Variants in CDH7 observed in about 807,000 individuals in gnomAD.
CDH7 encodes cadherin 7, also known as cadherin-7.
A neutral mutation model predicts 71.8 loss-of-function variants in CDH7; 25 were observed. The observed-to-expected ratio is 0.35, with a 90% confidence interval of 0.25 to 0.49. The LOEUF is 0.49. Ranked by LOEUF, CDH7 falls within the 20% of genes least tolerant of loss-of-function variation. The probability of loss-of-function intolerance (pLI) is 0.99; values close to 1 mark genes in which losing one functional copy is unlikely to be tolerated. For missense variants in CDH7, 862 were observed against 974.6 expected, an observed-to-expected ratio of 0.88 and a Z score of 1.54; for synonymous variants, 381 against 363.8, an observed-to-expected ratio of 1.05 and a Z score of -0.54.
Position 65,843,894 on chromosome 18 carries a change from T to C in CDH7, c.1064T>C (p.Leu355Ser), listed in dbSNP as rs746017455. 13 of 1,597,390 alleles carry C rather than the reference T, an allele frequency of 8.1e-6. No individual in the cohort carries two copies. Among genetic ancestry groups the C allele is most frequent in the Middle Eastern group, 1.7e-4 (1 of 5,984 alleles). ...GATGCCGACCCTCGCTTTCTGAGCT[T>C]GGGTCCGTTCAGTGACACGACAACT... The part of the protein sequence containing the change: ...NKDADPRFLS[L>S]GPFSDTTTVK... The change falls in exon 7 of 12, where the codon TTG (leucine) becomes TCG (serine). Residue 355 changes from leucine to serine, a missense_variant. Transcript: ENST00000397968.
chr18:65,882,041 ACG>A lies in CDH7; in HGVS notation c.*1148_*1149del, dbSNP rs1491121064. ...ATCATGAGTTCTACATGCTCCAAAGACGATTTCAAGAACACAACCTTTCTTGC... is the reference window on the plus strand; with the variant it reads ...ATCATGAGTTCTACATGCTCCAAAGAATTTCAAGAACACAACCTTTCTTGC... On this transcript the variant is annotated 3_prime_UTR_variant, in exon 12 of 12. Transcript: ENST00000397968. 1 of 62,678 alleles carries A rather than the reference ACG, an allele frequency of 1.6e-5. No individual in the cohort carries two copies. The highest frequency in any genetic ancestry group is 3.4e-5 in the Non-Finnish European group (1 of 29,122). The allele number at this position is 62,678 out of a possible 1,614,324, so 3.9% of individuals were successfully genotyped here.
At chr18:65,858,058 A>G in intron 8 of CDH7, 106 bp downstream of exon 8, 3 of 1,071,060 alleles carry the variant, frequency 2.8e-6, no homozygotes, top group South Asian at 1.7e-5. Flanking sequence ...CCTTCTTTGA[A>G]TTGTACAAAA....
intron 2 of CDH7, among the ~76,000 whole-genome samples, chr18:65,799,591 A>G (rs745989458): frequency 6.6e-5 from 10 of 151,874 alleles, no homozygotes; most frequent in Admixed American, 1.3e-4. Context: ...CAGGAGAATG[A>G]CGTGAACCCA....
intron 7 of CDH7, among the ~76,000 whole-genome samples, chr18:65,857,136 CG>C (rs1913388416): frequency 6.6e-6 from 1 of 151,394 alleles, no homozygotes; most frequent in South Asian, 2.1e-4. Flanking sequence ...GGTCCATAAT[CG>C]TGACCAGGGT....
intron 6 of CDH7, among the ~76,000 whole-genome samples, chr18:65,825,124 A>G (rs142467818): frequency 6.6e-6 from 1 of 152,050 alleles, no homozygotes; most frequent in East Asian, 1.9e-4. Flanking sequence ...TGGAGAGATG[A>G]ATATGTTTCT....
chr18:65,843,244 G>C (rs1912801541), intron 6 of CDH7, among the ~76,000 whole-genome samples: 1 of 152,054 alleles, frequency 6.6e-6, no homozygotes, highest in African/African-American at 2.4e-5. Flanking sequence ...TTTGATGGAG[G>C]AATAGCGAAG....
At chr18:65,822,923 A>G (rs1911988320) in intron 5 of CDH7, among the ~76,000 whole-genome samples, 1 of 151,942 alleles carries the variant, frequency 6.6e-6, no homozygotes, top group Non-Finnish European at 1.5e-5. Context: ...AAAACGTTTC[A>G]TCTCACTCTC....
intron 6 of CDH7, among the ~76,000 whole-genome samples, chr18:65,828,783 T>C (rs1568207982): frequency 6.6e-6 from 1 of 152,208 alleles, no homozygotes; most frequent in East Asian, 1.9e-4. Context: ...ATTTTATTAA[T>C]TCATTGAAAT....
chr18:65,800,991 T>C (rs1436384255), intron 2 of CDH7, among the ~76,000 whole-genome samples: 1 of 152,176 alleles, frequency 6.6e-6, no homozygotes, highest in Non-Finnish European at 1.5e-5. Flanking sequence ...CGGGCTCAGC[T>C]TGGTTTTCCT....
intron 4 of CDH7, among the ~76,000 whole-genome samples, chr18:65,820,838 G>T (rs1911897511): frequency 1.3e-5 from 2 of 152,112 alleles, no homozygotes; most frequent in African/African-American, 4.8e-5. Flanking sequence ...TGAGGCTGCA[G>T]TGTTTCCTTT....
At chr18:65,872,495 G>A (rs1251425892) in intron 11 of CDH7, among the ~76,000 whole-genome samples, 1 of 152,140 alleles carries the variant, frequency 6.6e-6, no homozygotes, top group Non-Finnish European at 1.5e-5. Context: ...GGAGATAGTG[G>A]AGAGAGTTTC....
At position 65,818,425 on chromosome 18, in the gene CDH7, G is replaced by A. The variant is rs76223136; in HGVS notation, c.626-3656G>A. 2.5e-3 allele frequency among the ~76,000 whole-genome samples: 379 copies of A among 152,254 alleles called. 1 individual carries two copies. Among genetic ancestry groups the A allele is most frequent in the Non-Finnish European group, 4.1e-3 (276 of 68,006 alleles). ...ATTGTTATCCAGTCAGAATGTGCAT[G>A]GGGGAGTACTTCTCACCTATAACAT... On this transcript the variant is annotated intron_variant, in intron 4 of 11. Transcript: ENST00000397968.
At chr18:65,781,962 TTCTCTCTC>T (rs575419221) in intron 2 of CDH7, among the ~76,000 whole-genome samples, 16 of 45,972 alleles carry the variant, frequency 3.5e-4, no homozygotes, top group East Asian at 5.4e-4. Flanking sequence ...CTTTCTCTCT[TTCTCTCTC>T]TCTCTCTCTC....
chr18:65,826,480 A>T (rs8083175), intron 6 of CDH7, among the ~76,000 whole-genome samples: 148,204 of 151,258 alleles, frequency 0.98, 72,661 homozygotes, highest in East Asian at 1. Flanking sequence ...AGTAATGTGG[A>T]GATGTTGTTT....
chr18:65,845,897 G>A (rs1255950399), intron 7 of CDH7, among the ~76,000 whole-genome samples: 1 of 151,794 alleles, frequency 6.6e-6, no homozygotes, highest in Non-Finnish European at 1.5e-5. Context: ...AATAACCACT[G>A]CACTCCAGCC....
chr18:65,790,587 T>C (rs1170894368), intron 2 of CDH7, among the ~76,000 whole-genome samples: 1 of 152,136 alleles, frequency 6.6e-6, no homozygotes, highest in East Asian at 1.9e-4. Flanking sequence ...TTATAGACTT[T>C]GTATAAAAGG....
intron 6 of CDH7, among the ~76,000 whole-genome samples, chr18:65,835,366 A>G (rs1912497159): frequency 6.6e-6 from 1 of 152,214 alleles, no homozygotes; most frequent in Admixed American, 6.5e-5. Context: ...GCGCTGCTCC[A>G]GAGAGACTAA....
intron 2 of CDH7, among the ~76,000 whole-genome samples, chr18:65,808,348 T>C (rs1185598408): frequency 1.3e-5 from 2 of 152,202 alleles, no homozygotes; most frequent in Admixed American, 6.5e-5. Context: ...ATAGTAACCC[T>C]AAAAATGACT....
intron 6 of CDH7, among the ~76,000 whole-genome samples, chr18:65,828,512 G>T (rs952680469): frequency 3.9e-5 from 6 of 152,068 alleles, no homozygotes; most frequent in East Asian, 3.9e-4. Context: ...GAAAAAATTG[G>T]TATGTATTAA....
Sources: gnomAD v4.1 joint callset for allele counts (sites outside exome capture counted in the v4.1 genomes callset) on GRCh38, gnomAD v4.1.1 for gene constraint, MANE v1.5 for transcripts, NCBI Gene and HGNC (gene_info 2026-07-23, HGNC 2026-07-21) for gene names.